The following EPHB2 variants were observed in gnomAD, a reference collection of about 807,000 sequenced individuals.
EPHB2 encodes the protein EPH receptor B2.
Under a neutral mutation model 96.4 loss-of-function variants are expected in EPHB2, and 18 were observed. That is an observed-to-expected ratio of 0.19 (90% confidence interval 0.13 to 0.28). The LOEUF (loss-of-function observed/expected upper bound fraction) is 0.28. Among genes scored for constraint, EPHB2 ranks in the 10% least tolerant of loss-of-function variants. The pLI, the probability that EPHB2 is intolerant of heterozygous loss-of-function variation, is 1.00. For missense variants in EPHB2, 989 were observed against 1,355.4 expected, an observed-to-expected ratio of 0.73 and a Z score of 4.25; for synonymous variants, 506 against 534.1, an observed-to-expected ratio of 0.95 and a Z score of 0.72.
chr1:22,863,400 C>A (rs1473486510), intron 4 of EPHB2, among the ~76,000 whole-genome samples: 2 of 152,232 alleles, frequency 1.3e-5, no homozygotes, highest in African/African-American at 4.8e-5. Flanking sequence ...TGGCTCCTTA[C>A]CCCCTTCTGC....
chr1:22,853,182 C>T (rs1386552944), intron 3 of EPHB2, among the ~76,000 whole-genome samples: 2 of 152,234 alleles, frequency 1.3e-5, no homozygotes, highest in Non-Finnish European at 2.9e-5. Flanking sequence ...AATCCCGTCT[C>T]TACTAAAAAT....
chr1:22,882,247 C>G, intron 5 of EPHB2, 112 bp from the exon 6 acceptor site: 2 of 1,553,586 alleles, frequency 1.3e-6, no homozygotes, highest in Non-Finnish European at 1.7e-6. Context: ...AGCCAGATGC[C>G]CTTCCCTCTC....
At chr1:22,765,966 G>A (rs1400943194) in intron 1 of EPHB2, among the ~76,000 whole-genome samples, 1 of 152,188 alleles carries the variant, frequency 6.6e-6, no homozygotes, top group Non-Finnish European at 1.5e-5. Context: ...TTCAGTTGGA[G>A]GCTCAGGGAG....
At chr1:22,777,464 T>C (rs962410091) in intron 1 of EPHB2, among the ~76,000 whole-genome samples, 2 of 152,204 alleles carry the variant, frequency 1.3e-5, no homozygotes, top group Admixed American at 1.3e-4. Flanking sequence ...GGGAGACGTC[T>C]GGTGTGTTAC....
intron 1 of EPHB2, among the ~76,000 whole-genome samples, chr1:22,750,620 T>C (rs74765003): frequency 0.062 from 9,418 of 152,268 alleles, 835 homozygotes; most frequent in African/African-American, 0.19. Context: ...CTAATCTCCC[T>C]TTTCAATTGG....
chr1:22,784,868 C>A lies in EPHB2; in HGVS notation c.603C>A (p.Ile201=). ...RVFYRKCPRI[I]QNGAIFQETL... is the part of the protein sequence containing the mutation. ...TCTACCGCAAGTGCCCCCGCATCAT[C>A]CAGAATGGCGCCATCTTCCAGGAAA... The change falls in exon 3 of 16, where the codon ATC becomes ATA. Residue 201 remains isoleucine, a synonymous_variant. Transcript: ENST00000374630. The surrounding 1 kb of genome is among the most constrained non-coding windows in gnomAD (Gnocchi z 5.1). 6.2e-7 allele frequency: 1 copy of A among 1,613,184 alleles called. No individual in the cohort carries two copies.
chr1:22,777,684 C>G (rs537721548), intron 1 of EPHB2, among the ~76,000 whole-genome samples: 1 of 152,144 alleles, frequency 6.6e-6, no homozygotes, highest in Non-Finnish European at 1.5e-5. Flanking sequence ...AGGCTGTAGC[C>G]ACGGAGCAAG....
chr1:22,800,672 A>G (rs1357947801), intron 3 of EPHB2, among the ~76,000 whole-genome samples: 2 of 150,612 alleles, frequency 1.3e-5, no homozygotes, highest in East Asian at 3.9e-4. Flanking sequence ...GGTACTTGTT[A>G]GCATATGTGA....
intron 1 of EPHB2, 43 bp from the exon 2 acceptor site, chr1:22,781,378 C>T (rs1239011859): frequency 5.0e-6 from 8 of 1,591,222 alleles, no homozygotes; most frequent in Admixed American, 1.7e-5. Context: ...TTGACAGCGC[C>T]TGGTAGGTGG....
chr1:22,718,429 A>G (rs374121542), intron 1 of EPHB2, among the ~76,000 whole-genome samples: 24 of 123,474 alleles, frequency 1.9e-4, no homozygotes, highest in African/African-American at 7.8e-4. Context: ...CTTGTTGCCC[A>G]GGCTGGACTG....
intron 1 of EPHB2, among the ~76,000 whole-genome samples, chr1:22,754,223 G>A (rs1005214107): frequency 6.6e-6 from 1 of 152,064 alleles, no homozygotes; most frequent in Non-Finnish European, 1.5e-5. Context: ...TGGCTCAAAG[G>A]TGCTCAGAAA....
chr1:22,792,349 A>T (rs1418567771), intron 3 of EPHB2, among the ~76,000 whole-genome samples: 1 of 152,120 alleles, frequency 6.6e-6, no homozygotes, highest in Non-Finnish European at 1.5e-5. Flanking sequence ...CTTCTCTTCA[A>T]GGACAGGGTG....
chr1:22,719,101 G>A (rs746214184), intron 1 of EPHB2, among the ~76,000 whole-genome samples: 4 of 152,110 alleles, frequency 2.6e-5, no homozygotes, highest in African/African-American at 7.2e-5. Flanking sequence ...TAGACAAATC[G>A]GGTGTTAACT....
chr1:22,834,649 G>T (rs1380365703), intron 3 of EPHB2, among the ~76,000 whole-genome samples: 2 of 152,294 alleles, frequency 1.3e-5, no homozygotes, highest in Non-Finnish European at 2.9e-5. Context: ...GCAAGGCCAG[G>T]CACGGTGGCT....
In EPHB2 at chr1:22,869,995, G is replaced by T. The variant is rs192981962; in HGVS notation, c.1303+4783G>T. ...TCAGCGAACATTTGCAGAAGGGTTCGGAGAAGCGTGGGGTGAGGTGGGGTG... is the reference window on the plus strand; with the variant it reads ...TCAGCGAACATTTGCAGAAGGGTTCTGAGAAGCGTGGGGTGAGGTGGGGTG... On this transcript the variant is annotated intron_variant, in intron 5 of 15. Transcript: ENST00000374630. 3.4e-3 allele frequency among the ~76,000 whole-genome samples: 520 copies of T among 152,330 alleles called. 2 individuals are homozygous for T. Among genetic ancestry groups the T allele is most frequent in the Non-Finnish European group, 5.3e-3 (359 of 68,036 alleles).
At chr1:22,874,957 C>T (rs1040463600) in intron 5 of EPHB2, among the ~76,000 whole-genome samples, 1 of 152,156 alleles carries the variant, frequency 6.6e-6, no homozygotes, top group Non-Finnish European at 1.5e-5. Flanking sequence ...GTCTCCCCTG[C>T]GGGACTTCTC....
intron 3 of EPHB2, among the ~76,000 whole-genome samples, chr1:22,853,651 A>G (rs1645657284): frequency 6.6e-6 from 1 of 152,248 alleles, no homozygotes; most frequent in African/African-American, 2.4e-5. Context: ...GGCAGAGGGA[A>G]CTGCCTGAGC....
chr1:22,879,827 G>A (rs1476490782), intron 5 of EPHB2, among the ~76,000 whole-genome samples: 1 of 152,262 alleles, frequency 6.6e-6, no homozygotes, highest in African/African-American at 2.4e-5. Flanking sequence ...GATCCCAAGA[G>A]GCCAATGCCC....
At chr1:22,882,741 C>G in intron 6 of EPHB2, 1 of 445,332 alleles carries the variant, frequency 2.2e-6, no homozygotes, top group South Asian at 2.0e-5. Flanking sequence ...CAGTGAAATG[C>G]AACAGTCACA....
Sources: allele counts gnomAD v4.1 joint callset (sites outside exome capture counted in the v4.1 genomes callset), GRCh38; gene constraint gnomAD v4.1.1; non-coding constraint Gnocchi (gnomAD v3.1); transcripts MANE v1.5; gene names NCBI Gene and HGNC (gene_info 2026-07-23, HGNC 2026-07-21).